The following NUP42 variants were observed in gnomAD, a reference collection of about 807,000 sequenced individuals.
NUP42 encodes the protein nucleoporin 42, also known as nucleoporin NUP42.
Under a neutral mutation model 35.9 loss-of-function variants are expected in NUP42, and 47 were observed. The observed-to-expected ratio is 1.31, with a 90% CI of 1.04 to 1.67. NUP42 has a LOEUF of 1.67. NUP42 is among the 40% of genes most tolerant of loss of function. NUP42 has a pLI of 0.00. For synonymous variants in NUP42, 173 were observed against 173.3 expected (o/e 1.00, Z 0.01); for missense variants, 514 against 492.2 (o/e 1.04, Z -0.42).
At position 23,195,605 on chromosome 7, in the gene NUP42, A is replaced by C. The variant is rs1033780027; in HGVS notation, c.446-234A>C. 4 of 380,854 alleles carry C rather than the reference A, an allele frequency of 1.1e-5. No homozygotes were observed. The East Asian group carries it at 2.0e-4, about 19-fold the overall frequency. 23.6% of individuals were successfully genotyped at this position (380,854 alleles called of 1,614,324 possible). ...TTCTCCTGTGTTTGTTGTTCATTCT[A>C]CGCCACTTATCTTTAGAAAATCTTC... is the stretch of plus-strand genomic sequence containing the variant. On this transcript the variant is annotated intron_variant, in intron 3 of 6. Transcript: ENST00000258742.
At chr7:23,183,830 T>G (rs1320225002) in intron 1 of NUP42, among the ~76,000 whole-genome samples, 2 of 147,540 alleles carry the variant, frequency 1.4e-5, no homozygotes, top group Non-Finnish European at 3.0e-5. Flanking sequence ...TTTGGAACTT[T>G]AGAAGAAGAA....
rs1251555930 is a variant in NUP42 at position 23,195,931 on chromosome 7, A to G, written c.522+16A>G. The G allele has an allele frequency of 4.7e-6, 7 of 1,494,104 alleles. No individual in the cohort carries two copies. In the Admixed American group the frequency reaches 5.4e-5, roughly 12 times the overall value. The allele number at this position is 1,494,104 out of a possible 1,614,324, so 92.6% of individuals were successfully genotyped here. The stretch of plus-strand genomic sequence containing the variant: ...ACAGAGTTATGTAAGTTTGTTTCCT[A>G]TTAATCTACTGCAATAACAGATGAG... On this transcript the variant is annotated intron_variant, in intron 4 of 6. Coordinates refer to ENST00000258742, the MANE Select transcript of NUP42 (RefSeq NM_007342.3).
In NUP42 at chr7:23,182,205, A is replaced by T; in HGVS notation, c.120A>T (p.Ser40=). The T allele has an allele frequency of 6.2e-7, 1 of 1,605,568 alleles. No homozygotes were observed. The highest frequency in any genetic ancestry group is 8.5e-7 in the Non-Finnish European group (1 of 1,175,456). ...GGRQQPQQQP[S]GNNRRGWNTT... is the part of the protein sequence containing the mutation. The stretch of plus-strand genomic sequence containing the variant: ...GGCAGCAACCGCAGCAGCAGCCTTC[A>T]GGTGACTCTCCTCTGAATCCTCCGC... The change falls in exon 1 of 7, where the codon TCA becomes TCT. Residue 40 remains serine (S), a splice_region_variant and synonymous_variant. Transcript: ENST00000258742.
Position 23,182,146 on chromosome 7 carries a change from G to A in NUP42, c.61G>A (p.Glu21Lys), listed in dbSNP as rs1785425603. Residue 21 changes from glutamate (E) to lysine (K), a missense_variant, in exon 1 of 7, where the codon GAA (glutamate) becomes AAA (lysine). By Grantham distance (56) the Glu-to-Lys change is moderately conservative. Transcript: ENST00000258742. ...CCGCTTTGGAGATCGGTGCTGGAAC[G>A]AACATCCCGGTGCTAGGGGTGCAGG... ...RCRFGDRCWNEHPGARGAGGG... is the reference protein window; with the variant it reads ...RCRFGDRCWNKHPGARGAGGG... 6.2e-7 allele frequency: 1 copy of A among 1,614,020 alleles called. No homozygotes were observed. Among genetic ancestry groups the A allele is most frequent in the Non-Finnish European group, 8.5e-7 (1 of 1,180,006 alleles).
Position 23,200,679 on chromosome 7 carries a change from A to G in NUP42, c.1206A>G (p.Gln402=). Residue 402 remains glutamine (Q), a synonymous_variant, in exon 7 of 7, where the codon CAA becomes CAG. Transcript: ENST00000258742. ...KLTVEELEQF[Q]SKKFTLGKIP... ...CAGTAGAAGAACTGGAACAATTTCA[A>G]TCCAAGAAATTTACTCTGGGAAAAA... 3.1e-6 allele frequency: 5 copies of G among 1,611,502 alleles called. No homozygotes were observed. Among genetic ancestry groups the G allele is most frequent in the Middle Eastern group, 1.7e-4 (1 of 6,048 alleles).
rs1396318077 is a variant in NUP42, at chr7:23,195,820, G to A, written c.446-19G>A. ...TATTGGCATTTATTTTAAAGATTCC[G>A]ATTGATTCCTCACTTCAGGTTTTAC... On this transcript the variant is annotated intron_variant, in intron 3 of 6. Coordinates refer to ENST00000258742, the MANE Select transcript of NUP42 (RefSeq NM_007342.3). The A allele has an allele frequency of 7.2e-6, 11 of 1,531,710 alleles. No individual in the cohort carries two copies. Among genetic ancestry groups the A allele is most frequent in the Middle Eastern group, 1.7e-4 (1 of 5,834 alleles). The allele number at this position is 1,531,710 out of a possible 1,614,324, so 94.9% of individuals were successfully genotyped here.
rs1442552993 is a variant in NUP42, at chr7:23,187,042, T to TTC, written c.351-9_351-8insCT. Reference sequence around the variant, plus strand: ...ATCCTTTACTCTTTTTTTTTTTTTCTTTTTTGCAGGGAAGGAATTGTAAAA... The same window carrying TTC: ...ATCCTTTACTCTTTTTTTTTTTTTCTTCTTTTTGCAGGGAAGGAATTGTAAAA... On this transcript the variant is annotated splice_polypyrimidine_tract_variant and intron_variant, in intron 2 of 6. Transcript: ENST00000258742. The TTC allele has an allele frequency of 6.4e-7, 1 of 1,555,228 alleles. No individual in the cohort carries two copies. The highest frequency in any genetic ancestry group is 8.7e-7 in the Non-Finnish European group (1 of 1,151,254).
In NUP42 at chr7:23,200,514, T is replaced by A; in HGVS notation, c.1041T>A (p.Ser347Arg). 6.2e-7 allele frequency: 1 copy of A among 1,614,022 alleles called. No individual in the cohort carries two copies. Among genetic ancestry groups the A allele is most frequent in the Non-Finnish European group, 8.5e-7 (1 of 1,179,870 alleles). ...GGGSSVAGFG[S>R]PGSHSHTAFS... ...GCAGTTCTGTGGCTGGTTTTGGTAG[T>A]CCGGGCTCACATTCTCACACTGCTT... Residue 347 changes from serine (S) to arginine (R), a missense_variant, in exon 7 of 7, where the codon AGT becomes AGA. By Grantham distance (110) the Ser-to-Arg change is moderately radical. Transcript: ENST00000258742.
intron 3 of NUP42, 187 bp from the exon 4 acceptor site, chr7:23,195,652 C>T (rs1562609583): frequency 2.1e-6 from 1 of 469,062 alleles, no homozygotes; most frequent in Non-Finnish European, 3.7e-6. Context: ...ATCAGAATAA[C>T]CAACTATATT....
At position 23,200,328 on chromosome 7, in the gene NUP42, T is replaced by C; in HGVS notation, c.855T>C (p.Ala285=). The stretch of plus-strand genomic sequence containing the variant: ...CCAGTTCAGGTATCTCTACTTCTGC[T>C]CCAGCTTTTGGATTTGGGAAGCCTG... The part of the protein sequence containing the change: ...ASTSSGISTS[A]PAFGFGKPEV... Residue 285 remains alanine (A), a synonymous_variant, in exon 7 of 7, where the codon GCT becomes GCC. Transcript: ENST00000258742. The C allele has an allele frequency of 6.2e-7, 1 of 1,608,260 alleles. No individual in the cohort carries two copies. Among genetic ancestry groups the C allele is most frequent in the South Asian group, 1.1e-5 (1 of 90,270 alleles).
rs144835773 is a variant in NUP42 at position 23,185,229 on chromosome 7, G to A, written c.281G>A (p.Gly94Asp). The A allele has an allele frequency of 6.2e-7, 1 of 1,614,090 alleles. No individual in the cohort carries two copies. The highest frequency in any genetic ancestry group is 1.7e-5 in the Admixed American group (1 of 60,002). The stretch of plus-strand genomic sequence containing the variant: ...GGAGCTTCAACTAACAGGAAGGAAG[G>A]CTTTGGATTGTCTGAGAACCCATTT... ...DSGASTNRKEGFGLSENPFAS... is the reference protein window; with the variant it reads ...DSGASTNRKEDFGLSENPFAS... The change falls in exon 2 of 7, where the codon GGC becomes GAC. Residue 94 changes from glycine (G) to aspartate (D), a missense_variant. Coordinates refer to ENST00000258742, the MANE Select transcript of NUP42 (RefSeq NM_007342.3).
intron 2 of NUP42, among the ~76,000 whole-genome samples, chr7:23,186,009 G>A (rs1054363220): frequency 6.6e-6 from 1 of 152,220 alleles, no homozygotes; most frequent in South Asian, 2.1e-4. Flanking sequence ...CAAAGTGCTG[G>A]GATTATAGGC....
chr7:23,193,276 G>T (rs1785876029), intron 3 of NUP42, among the ~76,000 whole-genome samples: 1 of 152,212 alleles, frequency 6.6e-6, no homozygotes. Flanking sequence ...GGTTGCCACT[G>T]CTGGCTGGGG....
chr7:23,186,105 T>G (rs1785586000), intron 2 of NUP42, among the ~76,000 whole-genome samples: 1 of 152,272 alleles, frequency 6.6e-6, no homozygotes, highest in African/African-American at 2.4e-5. Flanking sequence ...TCATTTGATT[T>G]CCTACATTTA....
intron 1 of NUP42, among the ~76,000 whole-genome samples, chr7:23,184,346 C>CTTTA (rs1289193641): frequency 1.3e-5 from 2 of 152,068 alleles, no homozygotes; most frequent in East Asian, 3.9e-4. Context: ...ATTTTTCAGC[C>CTTTA]TTTACTACAG....
At chr7:23,188,054 G>A in intron 3 of NUP42, 2 of 1,436,750 alleles carry the variant, frequency 1.4e-6, no homozygotes, top group South Asian at 1.6e-5. Context: ...TTTCTGGGCT[G>A]AAACCTAGAC....
chr7:23,200,184 C>A lies in NUP42; in HGVS notation c.711C>A (p.Asn237Lys), dbSNP rs1459955067. 6.3e-7 allele frequency: 1 copy of A among 1,588,392 alleles called. No individual in the cohort carries two copies. The highest frequency in any genetic ancestry group is 8.6e-7 in the Non-Finnish European group (1 of 1,165,720). ...TFMSPGFPVN[N>K]SSSDNAQNFS... ...TGTTTGTAGGCTTTCCAGTCAATAA[C>A]AGCAGCAGTGATAATGCTCAGAACT... The change falls in exon 7 of 7, where the codon AAC becomes AAA. Residue 237 changes from asparagine to lysine, a missense_variant. Asn to Lys is a moderately conservative substitution (Grantham distance 94, BLOSUM62 0). Transcript: ENST00000258742.
chr7:23,194,628 T>C, intron 3 of NUP42: 1 of 160,076 alleles, frequency 6.2e-6, no homozygotes, highest in Non-Finnish European at 1.4e-5. Flanking sequence ...CCCAAAGTGC[T>C]GGGACTACAG....
intron 3 of NUP42, among the ~76,000 whole-genome samples, chr7:23,190,355 ATAAAC>A (rs1785748810): frequency 6.6e-6 from 1 of 152,268 alleles, no homozygotes; most frequent in Non-Finnish European, 1.5e-5. Flanking sequence ...TAAGAGATGT[ATAAAC>A]ATAAAGCAAG....
Sources: gnomAD v4.1 joint callset for allele counts (sites outside exome capture counted in the v4.1 genomes callset) on GRCh38, gnomAD v4.1.1 for gene constraint, MANE v1.5 for transcripts, NCBI Gene and HGNC (gene_info 2026-07-23, HGNC 2026-07-21) for gene names.